The following SLC17A4 variants were observed in gnomAD, a reference collection of about 807,000 sequenced individuals.
SLC17A4 encodes solute carrier family 17 member 4.
In SLC17A4, 33 loss-of-function variants were observed where a neutral mutation model predicts 52.5. The observed-to-expected ratio is 0.63, with a 90% CI of 0.48 to 0.84. The LOEUF is 0.84. Ranked by LOEUF, SLC17A4 falls within the 40% of genes least tolerant of loss-of-function variation. SLC17A4 has a pLI of 0.00. For missense variants in SLC17A4, 585 were observed against 597.1 expected (o/e 0.98, Z 0.21); for synonymous variants, 225 against 216.2 (o/e 1.04, Z -0.36).
At chr6:25,765,165 A>G (rs954887392) in intron 2 of SLC17A4, among the ~76,000 whole-genome samples, 1 of 152,244 alleles carries the variant, frequency 6.6e-6, no homozygotes, top group Admixed American at 6.5e-5. Context: ...ATGTTTGTGC[A>G]AAGGAAAGAA....
In SLC17A4 at chr6:25,776,878, T is replaced by C. The variant is rs754795200; in HGVS notation, c.1187T>C (p.Met396Thr). The C allele has an allele frequency of 5.6e-6, 9 of 1,613,850 alleles. No individual in the cohort carries two copies. The highest frequency in any genetic ancestry group is 5.0e-5 in the Admixed American group (3 of 59,966). ...GTCAGATCCAGCCACAGCATGACCATGACCTTCTTGGTGCTGTCTTCTGCC... is the reference window on the plus strand; with the variant it reads ...GTCAGATCCAGCCACAGCATGACCACGACCTTCTTGGTGCTGTCTTCTGCC... ...PWVRSSHSMT[M>T]TFLVLSSAIS... The change falls in exon 10 of 12, where the codon ATG (methionine) becomes ACG (threonine). Residue 396 changes from methionine (M) to threonine (T), a missense_variant. Physicochemically the swap from Met to Thr is moderately conservative, Grantham distance 81. Transcript: ENST00000377905.
In SLC17A4 at chr6:25,761,976, C is replaced by T. The variant is rs751528251; in HGVS notation, c.14C>T (p.Pro5Leu). 2.4e-5 allele frequency: 38 copies of T among 1,613,092 alleles called. No homozygotes were observed. In the East Asian group the frequency reaches 8.5e-4, roughly 36 times the overall value. MSTG[P>L]DVKATVGDIS... ...GAGAGAACCAAAATGTCTACCGGAC[C>T]AGATGTCAAGGCTACAGTGGGGGAC... Residue 5 changes from proline (P) to leucine (L), a missense_variant, in exon 2 of 12, where the codon CCA (proline) becomes CTA (leucine). Physicochemically the swap from Pro to Leu is moderately conservative, Grantham distance 98. Coordinates refer to ENST00000377905, the MANE Select transcript of SLC17A4 (RefSeq NM_005495.3).
At chr6:25,777,314 G>A (rs749696895) in intron 10 of SLC17A4, 11 of 209,878 alleles carry the variant, frequency 5.2e-5, no homozygotes, top group Non-Finnish European at 8.5e-5. Flanking sequence ...TTTAATGAAG[G>A]CAAAGGACAC....
Position 25,779,228 on chromosome 6 carries a change from T to C in SLC17A4, c.*40T>C, listed in dbSNP as rs1561817103. 3.1e-6 allele frequency: 5 copies of C among 1,608,802 alleles called. No homozygotes were observed. The highest frequency in any genetic ancestry group is 4.2e-6 in the Non-Finnish European group (5 of 1,176,914). On this transcript the variant is annotated 3_prime_UTR_variant, in exon 12 of 12. Coordinates refer to ENST00000377905, the MANE Select transcript of SLC17A4 (RefSeq NM_005495.3). Reference sequence around the variant, plus strand: ...GTGCTAGATCCTGGTGCTTAGTTCATCATTGTTTTCCCTCACAGACATTTC... The same window carrying C: ...GTGCTAGATCCTGGTGCTTAGTTCACCATTGTTTTCCCTCACAGACATTTC...
Position 25,773,326 on chromosome 6 carries a change from A to T in SLC17A4, c.758A>T (p.Asp253Val). The stretch of plus-strand genomic sequence containing the variant: ...CTCTGGTTTCCTCTCATTTATGATG[A>T]TCCTGTGAATCATCCCTTTATCAGT... ...CPLWFPLIYD[D>V]PVNHPFISAG... is the part of the protein sequence containing the mutation. The change falls in exon 7 of 12, where the codon GAT (aspartate) becomes GTT (valine). Residue 253 changes from aspartate (D) to valine (V), a missense_variant. Coordinates refer to ENST00000377905, the MANE Select transcript of SLC17A4 (RefSeq NM_005495.3). 6.2e-7 allele frequency: 1 copy of T among 1,613,952 alleles called. No individual in the cohort carries two copies. The highest frequency in any genetic ancestry group is 8.5e-7 in the Non-Finnish European group (1 of 1,179,898).
At chr6:25,778,639 AG>A (rs1488426564) in intron 11 of SLC17A4, among the ~76,000 whole-genome samples, 1 of 152,234 alleles carries the variant, frequency 6.6e-6, no homozygotes, top group Non-Finnish European at 1.5e-5. Context: ...AGAAACAGAA[AG>A]AAATCTATGG....
At chr6:25,763,135 G>T (rs1353046978) in intron 2 of SLC17A4, among the ~76,000 whole-genome samples, 2 of 152,168 alleles carry the variant, frequency 1.3e-5, no homozygotes, top group Non-Finnish European at 2.9e-5. Flanking sequence ...TTTGTCTAAA[G>T]TGGAACTTCT....
intron 2 of SLC17A4, 63 bp from the exon 3 acceptor site, chr6:25,768,922 A>G (rs1485404378): frequency 6.9e-7 from 1 of 1,443,378 alleles, no homozygotes; most frequent in Non-Finnish European, 9.7e-7. Context: ...TCCTTCTTCC[A>G]GACTTAGGGA....
At chr6:25,778,938 T>A (rs186111273) in intron 11 of SLC17A4, 116 bp from the exon 12 acceptor site, 1 of 1,352,348 alleles carries the variant, frequency 7.4e-7, no homozygotes, top group Middle Eastern at 2.1e-4. Flanking sequence ...GGGAAGCCCA[T>A]GGAAGCCAGA....
intron 1 of SLC17A4, among the ~76,000 whole-genome samples, chr6:25,759,931 C>T (rs905943809): frequency 1.6e-4 from 25 of 152,118 alleles, no homozygotes; most frequent in African/African-American, 5.3e-4. Context: ...TTAGTTAGCT[C>T]CTGACTTTTT....
At chr6:25,756,946 GC>G (rs1761074530) in intron 1 of SLC17A4, among the ~76,000 whole-genome samples, 1 of 152,116 alleles carries the variant, frequency 6.6e-6, no homozygotes, top group Admixed American at 6.5e-5. Flanking sequence ...TCAACTAATT[GC>G]CCTGAGGTGT....
intron 2 of SLC17A4, among the ~76,000 whole-genome samples, chr6:25,766,125 A>T (rs1761991271): frequency 6.6e-6 from 1 of 150,530 alleles, no homozygotes; most frequent in Non-Finnish European, 1.5e-5. Context: ...TTTAATATTT[A>T]AAATATAATT....
At chr6:25,758,673 TTCTC>T (rs1761239439) in intron 1 of SLC17A4, among the ~76,000 whole-genome samples, 1 of 152,214 alleles carries the variant, frequency 6.6e-6, no homozygotes, top group South Asian at 2.1e-4. Context: ...TATTTGGATC[TTCTC>T]TCTTTTTTCC....
intron 2 of SLC17A4, among the ~76,000 whole-genome samples, chr6:25,762,590 C>T (rs1182458643): frequency 6.6e-6 from 1 of 152,148 alleles, no homozygotes; most frequent in African/African-American, 2.4e-5. Context: ...TCCATTAATT[C>T]TTTTAAGGAT....
In SLC17A4 at chr6:25,772,573, A is replaced by T. The variant is rs565081243; in HGVS notation, c.707-702A>T. ...GATAATGTTAAATTCCCAACTCTGT[A>T]ATAATGTATATATTAGAAAAAATGT... On this transcript the variant is annotated intron_variant, in intron 6 of 11. Transcript: ENST00000377905. Among the ~76,000 whole-genome samples the T allele has an allele frequency of 3.0e-4, 45 of 152,346 alleles. 4 individuals carry two copies. In the South Asian group the frequency reaches 9.1e-3, roughly 31 times the overall value.
intron 1 of SLC17A4, among the ~76,000 whole-genome samples, chr6:25,755,162 T>A (rs1048580029): frequency 2.6e-5 from 4 of 152,122 alleles, no homozygotes; most frequent in Non-Finnish European, 5.9e-5. Flanking sequence ...TTAATTTTTT[T>A]AAGCATTGAT....
At position 25,770,070 on chromosome 6, in the gene SLC17A4, C is replaced by G. The variant is rs776426818; in HGVS notation, c.301C>G (p.Pro101Ala). 1 of 1,613,688 alleles carries G rather than the reference C, an allele frequency of 6.2e-7. No individual in the cohort carries two copies. The highest frequency in any genetic ancestry group is 8.5e-7 in the Non-Finnish European group (1 of 1,179,656). Reference sequence around the variant, plus strand: ...AGTAACTCTCTTTGTCATCTAGGCCCCTGCATATGACTGGAGTCCTGAAAT... The same window carrying G: ...AGTAACTCTCTTTGTCATCTAGGCCGCTGCATATGACTGGAGTCCTGAAAT... ...ETLKEFKAMAPAYDWSPEIQG... is the reference protein window; with the variant it reads ...ETLKEFKAMAAAYDWSPEIQG... The change falls in exon 4 of 12, where the codon CCT becomes GCT. Residue 101 changes from proline (P) to alanine (A), a missense_variant. Physicochemically the swap from Pro to Ala is conservative, Grantham distance 27. Coordinates refer to ENST00000377905, the MANE Select transcript of SLC17A4 (RefSeq NM_005495.3).
Position 25,779,370 on chromosome 6 carries a change from C to T in SLC17A4, c.*182C>T, listed in dbSNP as rs1763193964. On this transcript the variant is annotated 3_prime_UTR_variant, in exon 12 of 12. Transcript: ENST00000377905. ...AGAAAACACGCTAGTTATTTAACTG[C>T]AAGCTACTAAAAGCATAGGTGTGTT... is the stretch of plus-strand genomic sequence containing the variant. The T allele has an allele frequency of 4.3e-6, 3 of 700,660 alleles. No individual in the cohort carries two copies. Among genetic ancestry groups the T allele is most frequent in the South Asian group, 2.1e-5 (1 of 46,950 alleles). 43.4% of individuals were successfully genotyped at this position (700,660 alleles called of 1,614,324 possible). A position where few individuals can be genotyped will look rare whatever the true frequency, so the allele number is the denominator to read the frequency against.
chr6:25,757,496 C>G (rs1018439021), intron 1 of SLC17A4, among the ~76,000 whole-genome samples: 1 of 152,036 alleles, frequency 6.6e-6, no homozygotes, highest in African/African-American at 2.4e-5. Flanking sequence ...TAGGTCCAGT[C>G]CAGTGAAAAC....
Sources: allele counts gnomAD v4.1 joint callset (sites outside exome capture counted in the v4.1 genomes callset), GRCh38; gene constraint gnomAD v4.1.1; transcripts MANE v1.5; gene names NCBI Gene and HGNC (gene_info 2026-07-23, HGNC 2026-07-21).